The following AKAP13 variants were observed in gnomAD, a reference collection of about 807,000 sequenced individuals.
AKAP13 encodes A-kinase anchor protein 13.
Under a neutral mutation model 264.5 loss-of-function variants are expected in AKAP13, and 80 were observed. That is an observed-to-expected ratio of 0.30 (90% CI 0.25 to 0.36). AKAP13 has a LOEUF of 0.36. Among genes scored for constraint, AKAP13 ranks in the 10% least tolerant of loss-of-function variants. The pLI is 1.00. For synonymous variants in AKAP13, 1,380 were observed against 1,250.2 expected (o/e 1.10, Z -2.19); for missense variants, 3,712 against 3,435.2 (o/e 1.08, Z -2.01).
chr15:85,585,340 A>G (rs189092132), intron 7 of AKAP13, among the ~76,000 whole-genome samples: 2 of 152,284 alleles, frequency 1.3e-5, no homozygotes, highest in Admixed American at 1.3e-4. Context: ...TGGACTACCT[A>G]GCTTCAGCTA....
intron 10 of AKAP13, among the ~76,000 whole-genome samples, chr15:85,652,509 G>A (rs2082903683): frequency 6.6e-6 from 1 of 152,152 alleles, no homozygotes; most frequent in African/African-American, 2.4e-5. Flanking sequence ...TATACATTTT[G>A]CTTTATTGGT....
At chr15:85,741,697 T>TAAAAAAAA (rs56782497) in intron 35 of AKAP13, among the ~76,000 whole-genome samples, 1 of 106,342 alleles carries the variant, frequency 9.4e-6, no homozygotes, top group Non-Finnish European at 1.8e-5. Flanking sequence ...CTGTCTCTCC[T>TAAAAAAAA]AAAAAAAAAA....
chr15:85,607,052 CTTTTTTCT>C (rs1386060151), intron 8 of AKAP13, among the ~76,000 whole-genome samples: 14 of 150,724 alleles, frequency 9.3e-5, no homozygotes, highest in African/African-American at 2.9e-4. Flanking sequence ...GATGAAGAGG[CTTTTTTCT>C]TTTTTTCTTT....
rs140072981 is a variant in AKAP13 at position 85,585,710 on chromosome 15, G to A, written c.4048G>A (p.Asp1350Asn). Residue 1350 changes from aspartate to asparagine, a missense_variant, in exon 8 of 37, where the codon GAC (aspartate) becomes AAC (asparagine). This residue lies in a region of AKAP13 where 2,759 missense variants were observed against 2,411.7 expected (regional missense o/e 1.14). Coordinates refer to ENST00000394518, the MANE Select transcript of AKAP13 (RefSeq NM_007200.5). ...CCCCCCTGCACTTTCAGAAATGCCA[G>A]ACGTGAAAGCTGAAGATGAAGTGGA... is the stretch of plus-strand genomic sequence containing the variant. ...QGPEPAAEMPDVKAEDEVDFR... is the reference protein window; with the variant it reads ...QGPEPAAEMPNVKAEDEVDFR... 2.5e-6 allele frequency: 4 copies of A among 1,614,034 alleles called. No individual in the cohort carries two copies. In the African/African-American group the frequency reaches 5.3e-5, roughly 22 times the overall value.
chr15:85,697,845 T>C (rs1010089753), intron 17 of AKAP13, among the ~76,000 whole-genome samples: 9 of 152,214 alleles, frequency 5.9e-5, no homozygotes, highest in African/African-American at 1.7e-4. Flanking sequence ...ACACTGGATT[T>C]GTTTTTTACA....
At chr15:85,669,677 G>A (rs2151564240) in intron 13 of AKAP13, 45 bp from the exon 14 acceptor site, 2 of 1,358,918 alleles carry the variant, frequency 1.5e-6, no homozygotes, top group African/African-American at 1.4e-5. Flanking sequence ...CTAGAAATAT[G>A]AGAGTATATG....
chr15:85,726,362 T>G (rs1449713836), intron 26 of AKAP13, 48 bp from the exon 27 acceptor site: 1 of 1,508,904 alleles, frequency 6.6e-7, no homozygotes, highest in South Asian at 1.1e-5. Context: ...TGGGTAACTA[T>G]TAAGTAGTCA....
At chr15:85,564,638 T>G (rs1285712251) in intron 5 of AKAP13, among the ~76,000 whole-genome samples, 3 of 152,248 alleles carry the variant, frequency 2.0e-5, no homozygotes, top group African/African-American at 7.2e-5. Flanking sequence ...CTTTGCCACC[T>G]GTGCCTTTTG....
intron 1 of AKAP13, among the ~76,000 whole-genome samples, chr15:85,442,519 T>TTATATTATATATAATATAATA (rs2073733849): frequency 1.8e-5 from 2 of 109,336 alleles, no homozygotes; most frequent in Admixed American, 9.5e-5. Context: ...ATAATATATA[T>TTATATTATATATAATATAATA]TATATTATAT....
chr15:85,385,549 C>G (rs1383077130), intron 1 of AKAP13, among the ~76,000 whole-genome samples: 1 of 152,170 alleles, frequency 6.6e-6, no homozygotes, highest in African/African-American at 2.4e-5. Flanking sequence ...TTCTCTACCC[C>G]CAGACTCTGG....
At chr15:85,442,481 A>ATT in intron 1 of AKAP13, among the ~76,000 whole-genome samples, 1 of 117,102 alleles carries the variant, frequency 8.5e-6, no homozygotes, top group Non-Finnish European at 1.7e-5. Context: ...TATATTATAT[A>ATT]ATATATATAA....
chr15:85,558,504 C>T (rs1242056085), intron 5 of AKAP13, among the ~76,000 whole-genome samples: 2 of 152,068 alleles, frequency 1.3e-5, no homozygotes, highest in African/African-American at 4.8e-5. Flanking sequence ...AAGTGAACTT[C>T]GTGCCTGAAG....
chr15:85,592,918 AC>A (rs2079644945), intron 8 of AKAP13, among the ~76,000 whole-genome samples: 1 of 152,170 alleles, frequency 6.6e-6, no homozygotes, highest in African/African-American at 2.4e-5. Flanking sequence ...TTTTTAAGTG[AC>A]CTTAAGCAAG....
chr15:85,599,496 C>A lies in AKAP13; in HGVS notation c.4161+13673C>A, dbSNP rs143270961. 1.7e-3 allele frequency among the ~76,000 whole-genome samples: 266 copies of A among 152,224 alleles called. 1 individual carries two copies. Among genetic ancestry groups the A allele is most frequent in the African/African-American group, 6.0e-3 (248 of 41,526 alleles). On this transcript the variant is annotated intron_variant, in intron 8 of 36. Transcript: ENST00000394518. The stretch of plus-strand genomic sequence containing the variant: ...TGAATTCAGGTGATTGACATTTGCT[C>A]CTGGGTGTCAGAGTTACCGTGTATC...
chr15:85,442,278 C>T (rs1425700906), intron 1 of AKAP13, among the ~76,000 whole-genome samples: 2 of 149,642 alleles, frequency 1.3e-5, no homozygotes, highest in African/African-American at 2.5e-5. Flanking sequence ...GGCATGGTGG[C>T]AGGTGCCTGT....
rs796975025 is a variant in AKAP13 at position 85,483,636 on chromosome 15, A to AACAAAAAC, written c.-11-2073_-11-2072insCAAAAACA. On this transcript the variant is annotated intron_variant, in intron 1 of 36. Coordinates refer to ENST00000394518, the MANE Select transcript of AKAP13 (RefSeq NM_007200.5). ...CGACAGAGCGAGACTCCGTCTCAAAAAAAAAAAAAAAAAAACACCAAAAAA... is the reference window on the plus strand; with the variant it reads ...CGACAGAGCGAGACTCCGTCTCAAAAACAAAAACAAAAAAAAAAAAAAACACCAAAAAA... Among the ~76,000 whole-genome samples, 656 of 139,102 alleles carry AACAAAAAC rather than the reference A, an allele frequency of 4.7e-3. 7 individuals carry two copies. The highest frequency in any genetic ancestry group is 0.028 in the Middle Eastern group (8 of 282). 91.3% of individuals were successfully genotyped at this position (139,102 alleles called of 152,430 possible).
At chr15:85,386,399 T>C (rs1378836845) in intron 1 of AKAP13, among the ~76,000 whole-genome samples, 4 of 151,940 alleles carry the variant, frequency 2.6e-5, no homozygotes, top group Non-Finnish European at 5.9e-5. Flanking sequence ...GTTCAAGTGA[T>C]TCTCCTGCCT....
At chr15:85,706,333 C>G (rs934131790) in intron 17 of AKAP13, among the ~76,000 whole-genome samples, 28 of 152,178 alleles carry the variant, frequency 1.8e-4, no homozygotes, top group African/African-American at 6.5e-4. Context: ...TTTTGGCTTA[C>G]TAGAAAATAA....
chr15:85,734,929 A>C (rs2088330275), intron 30 of AKAP13, 63 bp from the exon 31 acceptor site: 1 of 1,582,860 alleles, frequency 6.3e-7, no homozygotes, highest in African/African-American at 1.4e-5. Flanking sequence ...CATATATACT[A>C]TGAACTTGTT....
Sources: gnomAD v4.1 joint callset for allele counts (sites outside exome capture counted in the v4.1 genomes callset) on GRCh38, gnomAD v4.1.1 for gene constraint, gnomAD v4.1.1 regional missense constraint, MANE v1.5 for transcripts, NCBI Gene and HGNC (gene_info 2026-07-23, HGNC 2026-07-21) for gene names.